The following FTO variants were observed in gnomAD, a reference collection of about 807,000 sequenced individuals.
FTO encodes FTO alpha-ketoglutarate dependent dioxygenase, also known as alpha-ketoglutarate-dependent dioxygenase FTO.
FTO carries 47 observed loss-of-function variants against 63.9 expected under a neutral mutation model. The ratio of observed to expected loss-of-function variants is 0.74; its 90% CI spans 0.58 to 0.94. The LOEUF (loss-of-function observed/expected upper bound fraction) is 0.94, where lower values mean the gene tolerates loss of function less well. Ranked by LOEUF, FTO falls within the 40% of genes least tolerant of loss-of-function variation. The pLI, the probability that FTO is intolerant of heterozygous loss-of-function variation, is 0.00. For missense variants in FTO, 562 were observed against 618.1 expected (o/e 0.91, Z 0.96); for synonymous variants, 207 against 224.4 (o/e 0.92, Z 0.69).
intron 1 of FTO, among the ~76,000 whole-genome samples, chr16:53,790,051 G>A (rs948635501): frequency 6.7e-6 from 1 of 149,158 alleles, no homozygotes; most frequent in Admixed American, 6.7e-5. Flanking sequence ...TTGTATATAT[G>A]TATACATATA....
chr16:53,740,231 C>T (rs1475084002), intron 1 of FTO, among the ~76,000 whole-genome samples: 1 of 152,066 alleles, frequency 6.6e-6, no homozygotes, highest in African/African-American at 2.4e-5. Context: ...TGACATTGTG[C>T]CCACAAAGCT....
chr16:53,933,929 T>C, intron 7 of FTO, 56 bp from the exon 8 acceptor site: 1 of 1,566,114 alleles, frequency 6.4e-7, no homozygotes, highest in Non-Finnish European at 8.7e-7. Context: ...TTATGGGCTT[T>C]TTTTTATTAT....
intron 1 of FTO, among the ~76,000 whole-genome samples, chr16:53,712,607 C>T (rs1169800676): frequency 6.6e-6 from 1 of 152,116 alleles, no homozygotes; most frequent in Non-Finnish European, 1.5e-5. Flanking sequence ...GTTTCCTAAC[C>T]CTCCTAGTAC....
rs746708859 is a variant in FTO at position 53,788,906 on chromosome 16, A to G, written c.46-21234A>G. On this transcript the variant is annotated intron_variant, in intron 1 of 8. Transcript: ENST00000471389. ...ATAAATTAACCAAGTGCCAAATTTC[A>G]TTTTGGAAATGAAATATTTTAGTTT... Among the ~76,000 whole-genome samples the G allele has an allele frequency of 2.3e-4, 35 of 152,334 alleles. 1 individual carries two copies. Among genetic ancestry groups the G allele is most frequent in the Non-Finnish European group, 4.4e-4 (30 of 68,038 alleles).
intron 1 of FTO, among the ~76,000 whole-genome samples, chr16:53,806,740 T>G (rs990426573): frequency 6.6e-6 from 1 of 152,232 alleles, no homozygotes; most frequent in Non-Finnish European, 1.5e-5. Flanking sequence ...CAAGCTTTTT[T>G]TCTACAAGTA....
chr16:53,997,064 G>A (rs1461151970), intron 8 of FTO, among the ~76,000 whole-genome samples: 2 of 151,708 alleles, frequency 1.3e-5, no homozygotes, highest in East Asian at 3.9e-4. Context: ...AGTGAGCCGA[G>A]ATTGTGCCAT....
At chr16:53,795,305 G>A (rs993832293) in intron 1 of FTO, among the ~76,000 whole-genome samples, 1 of 152,162 alleles carries the variant, frequency 6.6e-6, no homozygotes, top group African/African-American at 2.4e-5. Context: ...AAGGCATTTA[G>A]GAGATTTGAA....
intron 1 of FTO, among the ~76,000 whole-genome samples, chr16:53,787,636 A>G (rs1284871623): frequency 6.6e-6 from 1 of 152,214 alleles, no homozygotes; most frequent in Non-Finnish European, 1.5e-5. Flanking sequence ...GTTTCAGCAG[A>G]TTACATTTGA....
intron 1 of FTO, among the ~76,000 whole-genome samples, chr16:53,754,205 C>T (rs2076864973): frequency 6.6e-6 from 1 of 152,110 alleles, no homozygotes; most frequent in South Asian, 2.1e-4. Context: ...TGAGTCAGGC[C>T]GTCCTATAGC....
chr16:53,975,685 T>A (rs59648208), intron 8 of FTO, among the ~76,000 whole-genome samples: 3,104 of 152,088 alleles, frequency 0.02, 98 homozygotes, highest in African/African-American at 0.066. Context: ...AAAAGACATG[T>A]AATTTATATT....
chr16:53,935,267 C>T (rs191717382), intron 8 of FTO, among the ~76,000 whole-genome samples: 1 of 152,240 alleles, frequency 6.6e-6, no homozygotes, highest in Non-Finnish European at 1.5e-5. Flanking sequence ...ACATAATATT[C>T]TCCAAATGAC....
rs2144639490 is a variant in FTO, at chr16:54,112,913, G to A, written c.*998G>A. 6.6e-6 allele frequency: 1 copy of A among 152,286 alleles called. No homozygotes were observed. Among genetic ancestry groups the A allele is most frequent in the Middle Eastern group, 3.4e-3 (1 of 294 alleles). 9.4% of individuals were successfully genotyped at this position (152,286 alleles called of 1,614,324 possible). A position where few individuals can be genotyped will look rare whatever the true frequency, so the allele number is the denominator to read the frequency against. ...TCAGTGGCCCATCCTGATGACATTG[G>A]AGACTCAAAGAGACAAGAGAGAGTA... On this transcript the variant is annotated 3_prime_UTR_variant, in exon 9 of 9. Coordinates refer to ENST00000471389, the MANE Select transcript of FTO (RefSeq NM_001080432.3).
At chr16:53,909,774 G>A (rs563740543) in intron 7 of FTO, among the ~76,000 whole-genome samples, 1 of 152,070 alleles carries the variant, frequency 6.6e-6, no homozygotes, top group East Asian at 1.9e-4. Context: ...ATGTTGGCCA[G>A]GCTGGTCTCG....
chr16:53,727,924 C>A (rs79384218), intron 1 of FTO, among the ~76,000 whole-genome samples: 8,846 of 152,064 alleles, frequency 0.058, 836 homozygotes, highest in African/African-American at 0.2. Context: ...CTTTTACATC[C>A]AGTGTTAGCA....
intron 1 of FTO, among the ~76,000 whole-genome samples, chr16:53,771,898 T>C (rs1182147657): frequency 2.6e-5 from 4 of 152,050 alleles, no homozygotes; most frequent in Non-Finnish European, 2.9e-5. Context: ...ATGTACAGAA[T>C]AGACAAATCC....
intron 7 of FTO, among the ~76,000 whole-genome samples, chr16:53,929,814 C>T (rs1188871957): frequency 3.3e-5 from 5 of 152,160 alleles, no homozygotes; most frequent in Admixed American, 3.3e-4. Flanking sequence ...AGAACTGTTC[C>T]AGTTTTGTTT....
At chr16:53,870,897 G>C (rs934513447) in intron 4 of FTO, among the ~76,000 whole-genome samples, 2 of 152,020 alleles carry the variant, frequency 1.3e-5, no homozygotes, top group African/African-American at 4.8e-5. Context: ...TTTCTGAAAA[G>C]TCTTTATTTC....
intron 7 of FTO, among the ~76,000 whole-genome samples, chr16:53,926,339 G>A (rs2082136856): frequency 6.6e-6 from 1 of 152,170 alleles, no homozygotes; most frequent in South Asian, 2.1e-4. Flanking sequence ...ACCTTGAATA[G>A]TGCTCTCTGG....
At chr16:53,891,358 T>TA (rs397741548) in intron 7 of FTO, among the ~76,000 whole-genome samples, 1 of 151,086 alleles carries the variant, frequency 6.6e-6, no homozygotes, top group African/African-American at 2.5e-5. Context: ...TTTTTTTTTT[T>TA]ATTTTTTTTA....
Sources: allele counts gnomAD v4.1 joint callset (sites outside exome capture counted in the v4.1 genomes callset), GRCh38; gene constraint gnomAD v4.1.1; transcripts MANE v1.5; gene names NCBI Gene and HGNC (gene_info 2026-07-23, HGNC 2026-07-21).